Variants in LOXHD1 observed in about 807,000 individuals in gnomAD.
The protein encoded by LOXHD1 is lipoxygenase homology domain-containing protein 1.
Under a neutral mutation model 248.2 loss-of-function variants are expected in LOXHD1, and 205 were observed. The ratio of observed to expected loss-of-function variants is 0.83; its 90% CI spans 0.74 to 0.93. The LOEUF (loss-of-function observed/expected upper bound fraction) is 0.93. Ranked by LOEUF, LOXHD1 falls within the 40% of genes least tolerant of loss-of-function variation. LOXHD1 has a pLI of 0.00. For missense variants in LOXHD1, 2,930 were observed against 2,971.6 expected, an observed-to-expected ratio of 0.99 and a Z score of 0.33; for synonymous variants, 1,113 against 1,162.8, an observed-to-expected ratio of 0.96 and a Z score of 0.87.
Position 46,579,732 on chromosome 18 carries a change from G to A in LOXHD1, c.1707C>T (p.Thr569=), listed in dbSNP as rs371576247. ...VCTGELEGAG[T]DANVYLCLFG... The stretch of plus-strand genomic sequence containing the variant: ...AAAGGCAGAGATAGACGTTGGCATC[G>A]GTCCCAGCACCTTCAAGTTCACCTG... The change falls in exon 13 of 41, where the codon ACC becomes ACT. Residue 569 remains threonine, a synonymous_variant. Transcript: ENST00000642948. 1.5e-5 allele frequency: 23 copies of A among 1,551,612 alleles called. No individual in the cohort carries two copies. The highest frequency in any genetic ancestry group is 3.6e-5 in the South Asian group (3 of 84,050).
intron 26 of LOXHD1, among the ~76,000 whole-genome samples, chr18:46,536,945 C>T (rs7240833): frequency 0.14 from 20,901 of 152,116 alleles, 1,550 homozygotes; most frequent in South Asian, 0.23. Flanking sequence ...GGGTCTCCTG[C>T]GCTTCCCCTC....
chr18:46,502,643 C>T (rs1753677255), intron 37 of LOXHD1, among the ~76,000 whole-genome samples: 1 of 152,094 alleles, frequency 6.6e-6, no homozygotes, highest in Non-Finnish European at 1.5e-5. Context: ...CTCCTCTTGC[C>T]CCTGCCCCTG....
At chr18:46,580,866 C>T (rs976204719) in intron 12 of LOXHD1, among the ~76,000 whole-genome samples, 7 of 152,064 alleles carry the variant, frequency 4.6e-5, no homozygotes, top group Non-Finnish European at 1.0e-4. Flanking sequence ...TGTGTGGATG[C>T]CTGATGTATG....
rs140183173 is a variant in LOXHD1, at chr18:46,596,042, T to C, written c.1135-1576A>G. On this transcript the variant is annotated intron_variant, in intron 8 of 40. Transcript: ENST00000642948. ...TAAAGGTTAGGTAAGCAACAAAATA[T>C]AGTATTGTTACTAGAGCTTGTGGTT... Among the ~76,000 whole-genome samples, 394 of 152,304 alleles carry C rather than the reference T, an allele frequency of 2.6e-3. 4 individuals are homozygous for C. The highest frequency in any genetic ancestry group is 8.7e-3 in the African/African-American group (363 of 41,554).
intron 4 of LOXHD1, among the ~76,000 whole-genome samples, chr18:46,627,961 G>C (rs1417071640): frequency 6.6e-6 from 1 of 152,218 alleles, no homozygotes; most frequent in Non-Finnish European, 1.5e-5. Flanking sequence ...AGAAGGGCCT[G>C]TATGTAATCA....
intron 12 of LOXHD1, among the ~76,000 whole-genome samples, chr18:46,589,670 C>T (rs1377782467): frequency 6.6e-6 from 1 of 152,150 alleles, no homozygotes; most frequent in African/African-American, 2.4e-5. Flanking sequence ...TATAGATGGG[C>T]CCTTGACCGT....
intron 7 of LOXHD1, chr18:46,601,694 G>T (rs571872960): frequency 1.8e-6 from 1 of 557,294 alleles, no homozygotes; most frequent in South Asian, 1.9e-5. Flanking sequence ...AGAATAAACC[G>T]CACGTATTAT....
intron 31 of LOXHD1, among the ~76,000 whole-genome samples, chr18:46,522,776 A>G (rs1479855782): frequency 1.3e-5 from 2 of 152,228 alleles, no homozygotes; most frequent in Non-Finnish European, 2.9e-5. Context: ...ATAGTGAATG[A>G]AAGTCCTAGA....
intron 14 of LOXHD1, among the ~76,000 whole-genome samples, chr18:46,575,908 C>G (rs2037844697): frequency 6.6e-6 from 1 of 152,180 alleles, no homozygotes; most frequent in South Asian, 2.1e-4. Context: ...CTCCCTCGCC[C>G]TGCCGGACAG....
chr18:46,600,558 AT>A (rs539002319), intron 8 of LOXHD1, among the ~76,000 whole-genome samples: 158 of 139,898 alleles, frequency 1.1e-3, no homozygotes, highest in African/African-American at 4.0e-3. Flanking sequence ...AGATCGTGCC[AT>A]TGCACTCCAG....
rs574367165 is a variant in LOXHD1 at position 46,639,938 on chromosome 18, G to A, written c.327-138C>T. ...GTTGTTACTTTATCTCCTGAACCTC[G>A]GTTTCCTCATCTATAAAATGGGGAT... is the stretch of plus-strand genomic sequence containing the variant. On this transcript the variant is annotated intron_variant, in intron 3 of 40. Transcript: ENST00000642948. 1,321 of 1,057,706 alleles carry A rather than the reference G, an allele frequency of 1.2e-3. 2 individuals carry two copies. The highest frequency in any genetic ancestry group is 1.6e-3 in the Non-Finnish European group (1,190 of 731,170). The allele number at this position is 1,057,706 out of a possible 1,614,324, so 65.5% of individuals were successfully genotyped here. A position where few individuals can be genotyped will look rare whatever the true frequency, so the allele number is the denominator to read the frequency against.
chr18:46,483,208 G>A (rs982145843), intron 40 of LOXHD1, among the ~76,000 whole-genome samples: 6 of 152,130 alleles, frequency 3.9e-5, no homozygotes, highest in African/African-American at 9.7e-5. Flanking sequence ...CACTATGACC[G>A]TGTAAACAGC....
chr18:46,489,841 A>T (rs1413050566), intron 37 of LOXHD1, among the ~76,000 whole-genome samples: 2 of 152,262 alleles, frequency 1.3e-5, no homozygotes, highest in East Asian at 3.8e-4. Flanking sequence ...ACTGGCAAGT[A>T]GCAGTTGCTC....
intron 34 of LOXHD1, among the ~76,000 whole-genome samples, chr18:46,514,090 G>C (rs907628229): frequency 6.6e-6 from 1 of 152,242 alleles, no homozygotes; most frequent in Non-Finnish European, 1.5e-5. Context: ...ATGGGGAGCT[G>C]CATCTCTATC....
rs1300117116 is a variant in LOXHD1, at chr18:46,657,010, C to T, written c.24G>A (p.Arg8=). 3.2e-6 allele frequency: 5 copies of T among 1,551,680 alleles called. No homozygotes were observed. Among genetic ancestry groups the T allele is most frequent in the Non-Finnish European group, 4.4e-6 (5 of 1,146,950 alleles). The change falls in exon 1 of 41, where the codon CGG becomes CGA. Residue 8 remains arginine (R), a synonymous_variant. Transcript: ENST00000642948. MMPQKKR[R]RKKDIDFLAL... ...CCAGGAAGTCGATGTCCTTCTTCCTCCGCCTTTTCTTCTGGGGCATCATTC... is the reference window on the plus strand; with the variant it reads ...CCAGGAAGTCGATGTCCTTCTTCCTTCGCCTTTTCTTCTGGGGCATCATTC...
chr18:46,493,567 C>T (rs1392810641), intron 37 of LOXHD1, among the ~76,000 whole-genome samples: 1 of 152,122 alleles, frequency 6.6e-6, no homozygotes, highest in Non-Finnish European at 1.5e-5. Context: ...AAGAATGGCT[C>T]TAATGGTGAA....
chr18:46,498,814 T>C (rs558262189), intron 37 of LOXHD1, among the ~76,000 whole-genome samples: 23 of 152,366 alleles, frequency 1.5e-4, no homozygotes, highest in Admixed American at 1.0e-3. Context: ...TCTGAGGTTC[T>C]TGGTGAAGAA....
At position 46,560,306 on chromosome 18, in the gene LOXHD1, G is replaced by A. The variant is rs947223183; in HGVS notation, c.2838C>T (p.Ser946=). The change falls in exon 19 of 41, where the codon AGC becomes AGT. Residue 946 remains serine (S), a synonymous_variant. Transcript: ENST00000642948. Reference sequence around the variant, plus strand: ...CTTCCTCCCCCTCGTCCTCTTCGTCGCTGCCCTTCCTCTTCTTCTTCTTCC... The same window carrying A: ...CTTCCTCCCCCTCGTCCTCTTCGTCACTGCCCTTCCTCTTCTTCTTCTTCC... ...LQRKKKKRKG[S]DEEDEGEEEE... is the part of the protein sequence containing the mutation. The A allele has an allele frequency of 3.2e-6, 5 of 1,551,298 alleles. No homozygotes were observed. Among genetic ancestry groups the A allele is most frequent in the Non-Finnish European group, 2.6e-6 (3 of 1,146,828 alleles).
At chr18:46,585,141 T>G (rs985554997) in intron 12 of LOXHD1, among the ~76,000 whole-genome samples, 1 of 152,110 alleles carries the variant, frequency 6.6e-6, no homozygotes, top group African/African-American at 2.4e-5. Flanking sequence ...GACAGGACAC[T>G]TTCCCCTTAA....
Sources: gnomAD v4.1 joint callset for allele counts (sites outside exome capture counted in the v4.1 genomes callset) on GRCh38, gnomAD v4.1.1 for gene constraint, MANE v1.5 for transcripts, NCBI Gene and HGNC (gene_info 2026-07-23, HGNC 2026-07-21) for gene names.